Variants in MXI1 observed in about 807,000 individuals in gnomAD.
The protein encoded by MXI1 is max-interacting protein 1.
Under a neutral mutation model 36.9 loss-of-function variants are expected in MXI1, and 18 were observed. That is an observed-to-expected ratio of 0.49 (90% confidence interval 0.34 to 0.72). MXI1 has a LOEUF of 0.72. MXI1 is among the 30% of genes least tolerant of loss of function. MXI1 has a pLI of 0.01. For missense variants in MXI1, 304 were observed against 379.1 expected (o/e 0.80, Z 1.64); for synonymous variants, 160 against 146.7 (o/e 1.09, Z -0.65).
intron 3 of MXI1, among the ~76,000 whole-genome samples, chr10:110,259,772 A>C (rs552673805): frequency 1.3e-5 from 2 of 152,056 alleles, no homozygotes; most frequent in Non-Finnish European, 2.9e-5. Context: ...ATTCTAGTAA[A>C]TAATGTCAAT....
rs750609795 is a variant in MXI1 at position 110,284,932 on chromosome 10, T to C, written c.833T>C (p.Ile278Thr). 14 of 1,613,934 alleles carry C rather than the reference T, an allele frequency of 8.7e-6. No homozygotes were observed. Among genetic ancestry groups the C allele is most frequent in the East Asian group, 2.2e-5 (1 of 44,890 alleles). Residue 278 changes from isoleucine (I) to threonine (T), a missense_variant, in exon 6 of 6, where the codon ATT becomes ACT. By Grantham distance (89) the Ile-to-Thr change is moderately conservative (BLOSUM62 -1). This residue lies in a region of MXI1 where 125 missense variants were observed against 194.3 expected (regional missense o/e 0.64). Transcript: ENST00000332674. ...DIDDHSSLPS[I>T]GSDEGYSSAS... ...GATGACCACAGCAGCCTGCCGAGTATTGGGAGTGACGAGGGTTACTCCAGT... is the reference window on the plus strand; with the variant it reads ...GATGACCACAGCAGCCTGCCGAGTACTGGGAGTGACGAGGGTTACTCCAGT...
intron 4 of MXI1, among the ~76,000 whole-genome samples, 199 bp from the exon 5 acceptor site, chr10:110,279,715 G>T (rs1372566456): frequency 6.6e-6 from 1 of 152,068 alleles, no homozygotes; most frequent in Admixed American, 6.5e-5. Context: ...ACACACAAAA[G>T]TAAAGACAAA....
chr10:110,265,031 C>T (rs963936473), intron 3 of MXI1, among the ~76,000 whole-genome samples: 56 of 151,148 alleles, frequency 3.7e-4, no homozygotes, highest in Admixed American at 6.6e-5. Flanking sequence ...TTTTTTAGTT[C>T]GGATATGAAA....
intron 3 of MXI1, among the ~76,000 whole-genome samples, chr10:110,277,901 A>T (rs1564726419): frequency 6.6e-6 from 1 of 152,178 alleles, no homozygotes; most frequent in African/African-American, 2.4e-5. Context: ...AGCCTTTGAG[A>T]ATTTCACTTG....
In MXI1 at chr10:110,280,152, G is replaced by A. The variant is rs1857179761; in HGVS notation, c.724+67G>A. ...CTGTATCTGGATTTAGGGAAGGTAT[G>A]TTGGGAGGCACTGTATTTGCTTTCT... is the stretch of plus-strand genomic sequence containing the variant. On this transcript the variant is annotated intron_variant, in intron 5 of 5. Transcript: ENST00000332674. 4.4e-6 allele frequency: 6 copies of A among 1,359,780 alleles called. No individual in the cohort carries two copies. The Admixed American group carries it at 9.8e-5, about 22-fold the overall frequency. 84.2% of individuals were successfully genotyped at this position (1,359,780 alleles called of 1,614,324 possible). A position where few individuals can be genotyped will look rare whatever the true frequency, so the allele number is the denominator to read the frequency against.
chr10:110,221,645 T>C (rs964127190), intron 1 of MXI1, among the ~76,000 whole-genome samples: 1 of 152,208 alleles, frequency 6.6e-6, no homozygotes, highest in Admixed American at 6.5e-5. Context: ...TTTAATAAAA[T>C]GTAAGAAGCC....
chr10:110,276,968 C>A (rs1857057316), intron 3 of MXI1, among the ~76,000 whole-genome samples: 1 of 151,868 alleles, frequency 6.6e-6, no homozygotes, highest in African/African-American at 2.4e-5. Flanking sequence ...GCCTCAGCCT[C>A]CCGAGTAGCT....
At chr10:110,216,665 G>GTTTTTTTTTTTTTTTCTTTTTTT (rs1854646796) in intron 1 of MXI1, among the ~76,000 whole-genome samples, 1 of 79,060 alleles carries the variant, frequency 1.3e-5, no homozygotes, top group African/African-American at 8.0e-5. Flanking sequence ...TGTGTTTAAT[G>GTTTTTTTTTTTTTTTCTTTTTTT]TTTTTTTTTT....
At chr10:110,215,320 G>A (rs1256798186) in intron 1 of MXI1, among the ~76,000 whole-genome samples, 1 of 152,088 alleles carries the variant, frequency 6.6e-6, no homozygotes, top group African/African-American at 2.4e-5. Flanking sequence ...GATTACAGGC[G>A]TGAGCCACCA....
At chr10:110,227,232 TG>T in intron 1 of MXI1, 4 of 334,176 alleles carry the variant, frequency 1.2e-5, no homozygotes, top group Non-Finnish European at 1.4e-5. Context: ...GTGGGAGGGA[TG>T]GTGCGCGGGG....
chr10:110,231,065 C>T (rs1855240075), intron 2 of MXI1, among the ~76,000 whole-genome samples: 3 of 152,106 alleles, frequency 2.0e-5, no homozygotes, highest in Non-Finnish European at 4.4e-5. Flanking sequence ...ATATGATATG[C>T]CTGATAAAAT....
intron 2 of MXI1, among the ~76,000 whole-genome samples, chr10:110,235,915 G>C (rs1432150466): frequency 2.6e-5 from 4 of 151,872 alleles, no homozygotes; most frequent in Non-Finnish European, 5.9e-5. Flanking sequence ...GCTGAAGCAG[G>C]AGAATCACTT....
chr10:110,226,084 C>T, intron 1 of MXI1: 2 of 1,079,076 alleles, frequency 1.9e-6, no homozygotes, highest in African/African-American at 3.4e-5. Context: ...CGCCGAGCCG[C>T]GGCCGAGCTG....
intron 5 of MXI1, among the ~76,000 whole-genome samples, chr10:110,281,617 G>T (rs919266936): frequency 3.9e-5 from 6 of 152,056 alleles, no homozygotes; most frequent in African/African-American, 1.4e-4. Context: ...GAATATATAG[G>T]TATAGATCTG....
intron 2 of MXI1, among the ~76,000 whole-genome samples, chr10:110,230,257 C>T (rs1338414273): frequency 6.6e-6 from 1 of 152,200 alleles, no homozygotes; most frequent in Non-Finnish European, 1.5e-5. Context: ...ACGCTTTGCT[C>T]AGCTTGGGGT....
intron 3 of MXI1, among the ~76,000 whole-genome samples, chr10:110,249,844 T>C (rs1276061098): frequency 6.6e-6 from 1 of 152,160 alleles, no homozygotes; most frequent in East Asian, 1.9e-4. Context: ...ATTATTTTTA[T>C]TGGAGCAAAT....
chr10:110,226,186 G>A, intron 1 of MXI1: 1 of 1,468,278 alleles, frequency 6.8e-7, no homozygotes, highest in Admixed American at 2.3e-5. Flanking sequence ...GTGCGGAGAG[G>A]CGCCGGTCGC....
chr10:110,281,157 C>A (rs771255708), intron 5 of MXI1, among the ~76,000 whole-genome samples: 5 of 151,988 alleles, frequency 3.3e-5, no homozygotes, highest in Non-Finnish European at 7.4e-5. Flanking sequence ...TCCTGTATAC[C>A]CACCATTCAG....
intron 3 of MXI1, among the ~76,000 whole-genome samples, chr10:110,262,791 T>C (rs1210099026): frequency 6.6e-6 from 1 of 152,122 alleles, no homozygotes; most frequent in Non-Finnish European, 1.5e-5. Flanking sequence ...AAAGTCAGGA[T>C]GAGAAACTAG....
Sources: allele counts gnomAD v4.1 joint callset (sites outside exome capture counted in the v4.1 genomes callset), GRCh38; gene constraint gnomAD v4.1.1; regional missense constraint gnomAD v4.1.1; transcripts MANE v1.5; gene names NCBI Gene and HGNC (gene_info 2026-07-23, HGNC 2026-07-21).